Variants in ZC3H13 observed in about 807,000 individuals in gnomAD.
ZC3H13 encodes zinc finger CCCH domain-containing protein 13.
In ZC3H13, 64 loss-of-function variants were observed where a neutral mutation model predicts 204.1. That is an observed-to-expected ratio of 0.31 (90% confidence interval 0.26 to 0.39). The LOEUF is 0.39. ZC3H13 is among the 10% of genes least tolerant of loss of function. The pLI is 1.00. For synonymous variants in ZC3H13, 667 were observed against 693.7 expected (o/e 0.96, Z 0.60); for missense variants, 1,833 against 2,082.7 (o/e 0.88, Z 2.33).
At chr13:45,966,527 T>C (rs920660471) in intron 15 of ZC3H13, among the ~76,000 whole-genome samples, 5 of 152,190 alleles carry the variant, frequency 3.3e-5, no homozygotes, top group Non-Finnish European at 5.9e-5. Context: ...GATTCACCTA[T>C]ACATTTCTAT....
At position 45,979,754 on chromosome 13, in the gene ZC3H13, A is replaced by T. The variant is rs1953384865; in HGVS notation, c.1912+59T>A. On this transcript the variant is annotated intron_variant, in intron 11 of 18. Coordinates refer to ENST00000679008, the MANE Select transcript of ZC3H13 (RefSeq NM_001330564.2). ...TAAAAAGTAAATTGGTAACTGTTTG[A>T]AAAAACAATTCGCCCAATTGATATT... is the stretch of plus-strand genomic sequence containing the variant. The T allele has an allele frequency of 2.0e-6, 3 of 1,487,262 alleles. No homozygotes were observed. The East Asian group carries it at 7.1e-5, about 35-fold the overall frequency. The allele number at this position is 1,487,262 out of a possible 1,614,324, so 92.1% of individuals were successfully genotyped here.
chr13:45,995,457 G>A (rs1268211859), intron 8 of ZC3H13, among the ~76,000 whole-genome samples: 1 of 152,146 alleles, frequency 6.6e-6, no homozygotes, highest in African/African-American at 2.4e-5. Flanking sequence ...TTGTTTTGAT[G>A]TTTATAACAT....
intron 8 of ZC3H13, among the ~76,000 whole-genome samples, chr13:46,000,445 CTTCA>C (rs2040663323): frequency 6.6e-6 from 1 of 152,324 alleles, no homozygotes; most frequent in South Asian, 2.1e-4. Flanking sequence ...ACGGAGATGG[CTTCA>C]TTCGTTAAAT....
At chr13:46,018,142 A>G (rs2138774606) in intron 5 of ZC3H13, among the ~76,000 whole-genome samples, 1 of 152,098 alleles carries the variant, frequency 6.6e-6, no homozygotes, top group South Asian at 2.1e-4. Context: ...AGCCAAAAGA[A>G]GAGTCTTTTT....
intron 5 of ZC3H13, among the ~76,000 whole-genome samples, chr13:46,015,156 AC>A (rs2041835694): frequency 6.6e-6 from 1 of 151,980 alleles, no homozygotes; most frequent in Non-Finnish European, 1.5e-5. Flanking sequence ...ACCAATGTAA[AC>A]CCCCACTTGA....
chr13:45,978,624 T>C (rs1387604297), intron 11 of ZC3H13, among the ~76,000 whole-genome samples: 2 of 152,028 alleles, frequency 1.3e-5, no homozygotes, highest in South Asian at 2.1e-4. Context: ...TGGCACCTAG[T>C]AGAAGATCAA....
intron 4 of ZC3H13, among the ~76,000 whole-genome samples, chr13:46,027,619 T>C (rs1190658357): frequency 6.6e-6 from 1 of 152,142 alleles, no homozygotes; most frequent in African/African-American, 2.4e-5. Context: ...TGCAGGGGAA[T>C]TTTACCAATC....
chr13:45,991,269 T>C (rs1253691886), intron 8 of ZC3H13, among the ~76,000 whole-genome samples: 1 of 152,186 alleles, frequency 6.6e-6, no homozygotes, highest in African/African-American at 2.4e-5. Flanking sequence ...AGTTCACATA[T>C]ACTACCTTTA....
chr13:45,990,256 A>C (rs116542492), intron 8 of ZC3H13, among the ~76,000 whole-genome samples: 44 of 152,288 alleles, frequency 2.9e-4, no homozygotes, highest in African/African-American at 9.4e-4. Flanking sequence ...AGACATTGCC[A>C]AATGTCCTCT....
intron 5 of ZC3H13, among the ~76,000 whole-genome samples, chr13:46,015,819 T>C (rs1351568104): frequency 2.6e-5 from 4 of 152,124 alleles, no homozygotes; most frequent in Non-Finnish European, 4.4e-5. Context: ...ATTCAATTTA[T>C]TCTTTTAAAA....
chr13:45,960,879 G>C (rs542614046), intron 17 of ZC3H13, among the ~76,000 whole-genome samples: 6 of 152,280 alleles, frequency 3.9e-5, no homozygotes, highest in African/African-American at 1.4e-4. Flanking sequence ...TCAATTTTCT[G>C]GGCTGCAAAG....
At chr13:46,040,763 C>A (rs968458401) in intron 4 of ZC3H13, among the ~76,000 whole-genome samples, 1 of 151,998 alleles carries the variant, frequency 6.6e-6, no homozygotes, top group Non-Finnish European at 1.5e-5. Context: ...AATAAAAAGA[C>A]AACTCGATTT....
chr13:46,005,340 TG>T, intron 7 of ZC3H13, among the ~76,000 whole-genome samples: 1 of 152,336 alleles, frequency 6.6e-6, no homozygotes, highest in East Asian at 1.9e-4. Context: ...CTGTATCTCT[TG>T]GATCTCTCCT....
intron 4 of ZC3H13, among the ~76,000 whole-genome samples, chr13:46,024,291 C>T (rs552746152): frequency 3.3e-5 from 5 of 152,116 alleles, no homozygotes; most frequent in Admixed American, 2.0e-4. Context: ...TTCACATTTC[C>T]GACCCTTCTT....
At position 46,010,392 on chromosome 13, in the gene ZC3H13, A is replaced by G. The variant is rs374265880; in HGVS notation, c.702T>C (p.Asp234=). 3.1e-6 allele frequency: 5 copies of G among 1,613,690 alleles called. No individual in the cohort carries two copies. The highest frequency in any genetic ancestry group is 2.2e-5 in the South Asian group (2 of 91,072). The change falls in exon 7 of 19, where the codon GAT becomes GAC. Residue 234 remains aspartate (D), a synonymous_variant. Coordinates refer to ENST00000679008, the MANE Select transcript of ZC3H13 (RefSeq NM_001330564.2). ...GAGAAGATACTGCAGATGTCTTCCT[A>G]TCTTTCTTGCTAGCTGAAGACGACT... ...SPKSSSASKK[D]RKTSAVSSPL... is the part of the protein sequence containing the mutation.
intron 4 of ZC3H13, 88 bp from the exon 5 acceptor site, chr13:46,020,645 T>C: frequency 2.4e-6 from 2 of 820,896 alleles, no homozygotes; most frequent in Non-Finnish European, 3.7e-6. Flanking sequence ...TTTAATTTCA[T>C]TCATCTCTGT....
chr13:45,997,496 C>A (rs554522082), intron 8 of ZC3H13, among the ~76,000 whole-genome samples: 12 of 152,288 alleles, frequency 7.9e-5, no homozygotes, highest in African/African-American at 2.9e-4. Flanking sequence ...ACTCAAGAAA[C>A]TTGTAGACCC....
chr13:46,043,936 G>C lies in ZC3H13; in HGVS notation c.227+1019C>G, dbSNP rs191268072. On this transcript the variant is annotated intron_variant, in intron 3 of 18. Transcript: ENST00000679008. ...GTATCGAAATAGTTTCACCAGGTAT[G>C]TATCTACGTGTATATATACAAGTAA... 2.3e-4 allele frequency among the ~76,000 whole-genome samples: 35 copies of C among 151,960 alleles called. No homozygotes were observed. The South Asian group carries it at 6.4e-3, about 28-fold the overall frequency.
rs1134071 is a variant in ZC3H13, at chr13:45,988,800, A to G, written c.1242T>C (p.His414=). ...ERTSQSHDRR[H]ERREDTRGKR... is the part of the protein sequence containing the mutation. Reference sequence around the variant, plus strand: ...TACAGTACACACCTTCCCTCCTTTCATGGCGTCGATCATGAGACTGTGAAG... The same window carrying G: ...TACAGTACACACCTTCCCTCCTTTCGTGGCGTCGATCATGAGACTGTGAAG... Residue 414 remains histidine (H), a synonymous_variant, in exon 9 of 19, where the codon CAT becomes CAC. Transcript: ENST00000679008. 0.71 allele frequency: 1,142,755 copies of G among 1,611,616 alleles called. 407,429 individuals carry two copies. The highest frequency in any genetic ancestry group is 0.86 in the African/African-American group (64,102 of 74,926).
Sources: allele counts gnomAD v4.1 joint callset (sites outside exome capture counted in the v4.1 genomes callset), GRCh38; gene constraint gnomAD v4.1.1; transcripts MANE v1.5; gene names NCBI Gene and HGNC (gene_info 2026-07-23, HGNC 2026-07-21).